MYOCD: variants seen among roughly 807,000 people sequenced by gnomAD.
MYOCD encodes myocardin.
In MYOCD, 32 loss-of-function variants were observed where a neutral mutation model predicts 96.1. The ratio of observed to expected loss-of-function variants is 0.33; its 90% CI spans 0.25 to 0.45. The LOEUF (loss-of-function observed/expected upper bound fraction) is 0.45, where lower values mean the gene tolerates loss of function less well. Ranked by LOEUF, MYOCD falls within the 20% of genes least tolerant of loss-of-function variation. The pLI, the probability that MYOCD is intolerant of heterozygous loss-of-function variation, is 1.00. For synonymous variants in MYOCD, 469 were observed against 469.0 expected, an observed-to-expected ratio of 1.00 and a Z score of 0.00; for missense variants, 1,133 against 1,200.6, an observed-to-expected ratio of 0.94 and a Z score of 0.83.
chr17:12,768,498 C>G lies in MYOCD; in HGVS notation c.*4854C>G, dbSNP rs77015580. ...GCTTATTTTAACCATCTGCTCCCAT[C>G]GTGAACCCTGGAGCATGCATTTCCT... On this transcript the variant is annotated 3_prime_UTR_variant, in exon 14 of 14. Transcript: ENST00000425538. The G allele has an allele frequency of 6.6e-6, 1 of 152,128 alleles. No homozygotes were observed. Among genetic ancestry groups the G allele is most frequent in the African/African-American group, 2.4e-5 (1 of 41,412 alleles). 9.4% of individuals were successfully genotyped at this position (152,128 alleles called of 1,614,324 possible). A position where few individuals can be genotyped will look rare whatever the true frequency, so the allele number is the denominator to read the frequency against.
At chr17:12,696,320 C>T (rs1343102026) in intron 1 of MYOCD, among the ~76,000 whole-genome samples, 1 of 152,096 alleles carries the variant, frequency 6.6e-6, no homozygotes. Context: ...CTTTGTCCAT[C>T]GATGGACACT....
chr17:12,688,554 C>CCTTCCTTCCATCTT (rs757971573), intron 1 of MYOCD, among the ~76,000 whole-genome samples: 1,632 of 102,098 alleles, frequency 0.016, 15 homozygotes, highest in Middle Eastern at 0.031. Flanking sequence ...CCATCTTCTT[C>CCTTCCTTCCATCTT]CTTCCTTCCT....
At chr17:12,749,639 G>GTA (rs2032775837) in intron 9 of MYOCD, among the ~76,000 whole-genome samples, 1 of 143,766 alleles carries the variant, frequency 7.0e-6, no homozygotes, top group Admixed American at 7.1e-5. Context: ...ATATACGTGT[G>GTA]TATATATACA....
chr17:12,693,249 T>C (rs1228364224), intron 1 of MYOCD, among the ~76,000 whole-genome samples: 1 of 152,100 alleles, frequency 6.6e-6, no homozygotes, highest in Non-Finnish European at 1.5e-5. Context: ...GAAGTTCATT[T>C]TGGAGAAAAA....
chr17:12,675,133 T>C (rs1338690538), intron 1 of MYOCD, among the ~76,000 whole-genome samples: 1 of 152,196 alleles, frequency 6.6e-6, no homozygotes, highest in Non-Finnish European at 1.5e-5. Context: ...AGTCAGCATA[T>C]GAAATATACT....
chr17:12,702,868 A>G (rs2031136291), intron 1 of MYOCD, among the ~76,000 whole-genome samples: 1 of 151,962 alleles, frequency 6.6e-6, no homozygotes, highest in Non-Finnish European at 1.5e-5. Context: ...GAGCATCGCA[A>G]GACAATGTTA....
At chr17:12,745,184 A>AT (rs1005629157) in intron 8 of MYOCD, among the ~76,000 whole-genome samples, 4 of 151,724 alleles carry the variant, frequency 2.6e-5, no homozygotes, top group Admixed American at 6.6e-5. Flanking sequence ...GTCACCTTTT[A>AT]TTTTTTTTAA....
rs1478090777 is a variant in MYOCD at position 12,705,184 on chromosome 17, A to G, written c.112A>G (p.Ile38Val). The change falls in exon 2 of 14, where the codon ATA becomes GTA. Residue 38 changes from isoleucine (I) to valine (V), a missense_variant. By Grantham distance (29) the Ile-to-Val change is conservative. Coordinates refer to ENST00000425538, the MANE Select transcript of MYOCD (RefSeq NM_001146312.3). Reference protein sequence around the residue: ...RTQEQLANQGIIPPLKRPAEF... With the variant: ...RTQEQLANQGVIPPLKRPAEF... ...CCAGGAACAACTGGCTAACCAAGGC[A>G]TAATACCACGTGAGTACCTGCATCT... is the stretch of plus-strand genomic sequence containing the variant. 7 of 1,612,040 alleles carry G rather than the reference A, an allele frequency of 4.3e-6. No individual in the cohort carries two copies. The highest frequency in any genetic ancestry group is 2.2e-5 in the East Asian group (1 of 44,886).
In MYOCD at chr17:12,767,245, A is replaced by G. The variant is rs1042172475; in HGVS notation, c.*3601A>G. The G allele has an allele frequency of 2.0e-5, 3 of 152,198 alleles. No individual in the cohort carries two copies. The highest frequency in any genetic ancestry group is 6.5e-5 in the Admixed American group (1 of 15,280). 9.4% of individuals were successfully genotyped at this position (152,198 alleles called of 1,614,324 possible). A position where few individuals can be genotyped will look rare whatever the true frequency, so the allele number is the denominator to read the frequency against. On this transcript the variant is annotated 3_prime_UTR_variant, in exon 14 of 14. Coordinates refer to ENST00000425538, the MANE Select transcript of MYOCD (RefSeq NM_001146312.3). ...AAGACAATCTTCACCTGAATAATAG[A>G]GGGTCTGAGAACTGTCAGCCTTTTG...
At chr17:12,740,638 C>T (rs190200754) in intron 7 of MYOCD, among the ~76,000 whole-genome samples, 1 of 152,188 alleles carries the variant, frequency 6.6e-6, no homozygotes. Context: ...ACACCAGCAT[C>T]GCATCTCACA....
Position 12,666,018 on chromosome 17 carries a change from G to A in MYOCD, c.-171G>A, listed in dbSNP as rs1407170497. The A allele has an allele frequency of 9.2e-6, 5 of 546,280 alleles. No individual in the cohort carries two copies. The South Asian group carries it at 1.2e-4, about 14-fold the overall frequency. 33.8% of individuals were successfully genotyped at this position (546,280 alleles called of 1,614,324 possible). ...AGCCCCGCACGGCGAGGGGGGAGGC[G>A]CCAGTTTTCTGGGGACACTGGCTGC... On this transcript the variant is annotated 5_prime_UTR_variant, in exon 1 of 14. Coordinates refer to ENST00000425538, the MANE Select transcript of MYOCD (RefSeq NM_001146312.3).
Position 12,763,404 on chromosome 17 carries a change from C to G in MYOCD, c.2721C>G (p.Gly907=), listed in dbSNP as rs9913758. The change falls in exon 14 of 14, where the codon GGC becomes GGG. Residue 907 remains glycine, a synonymous_variant. Coordinates refer to ENST00000425538, the MANE Select transcript of MYOCD (RefSeq NM_001146312.3). ...TCAATGCACATGAGATCTTGCCAGGCCCCCTCTCTCCAATGCAGACACAGT... is the reference window on the plus strand; with the variant it reads ...TCAATGCACATGAGATCTTGCCAGGGCCCCTCTCTCCAATGCAGACACAGT... ...DLFNAHEILP[G]PLSPMQTQFS... The G allele has an allele frequency of 4.6e-3, 7,457 of 1,605,508 alleles. 294 individuals carry two copies. The African/African-American group carries it at 0.087, about 19-fold the overall frequency.
At chr17:12,755,262 A>G (rs1178661278) in intron 10 of MYOCD, among the ~76,000 whole-genome samples, 1 of 152,218 alleles carries the variant, frequency 6.6e-6, no homozygotes, top group Non-Finnish European at 1.5e-5. Context: ...AACGTTGCAC[A>G]GTGATTTATG....
intron 2 of MYOCD, chr17:12,710,448 A>G (rs556284325): frequency 9.9e-6 from 9 of 905,616 alleles, no homozygotes; most frequent in Non-Finnish European, 1.2e-5. Context: ...GAATTTAAAG[A>G]TACAATGAGC....
At chr17:12,716,142 A>G (rs1355551507) in intron 3 of MYOCD, among the ~76,000 whole-genome samples, 2 of 152,236 alleles carry the variant, frequency 1.3e-5, no homozygotes, top group Admixed American at 1.3e-4. Context: ...TTTAGCAAGT[A>G]TCAACACTTT....
At chr17:12,737,487 C>T (rs770505422) in intron 6 of MYOCD, among the ~76,000 whole-genome samples, 18 of 152,174 alleles carry the variant, frequency 1.2e-4, no homozygotes, top group Non-Finnish European at 1.3e-4. Flanking sequence ...GTGTCAGCCA[C>T]GCCGGGGAAA....
intron 6 of MYOCD, among the ~76,000 whole-genome samples, chr17:12,737,262 G>A (rs9914791): frequency 0.056 from 8,487 of 151,548 alleles, 639 homozygotes; most frequent in African/African-American, 0.17. Context: ...TCTCAAAGGG[G>A]GAAAAAAAAA....
At chr17:12,700,216 A>G (rs2030997731) in intron 1 of MYOCD, among the ~76,000 whole-genome samples, 1 of 151,130 alleles carries the variant, frequency 6.6e-6, no homozygotes, top group African/African-American at 2.4e-5. Context: ...GTCAATAAGC[A>G]TATATTTCTA....
rs4792278 is a variant in MYOCD at position 12,753,498 on chromosome 17, C to T, written c.2058+152C>T. The stretch of plus-strand genomic sequence containing the variant: ...TCCCAGACACTACAATCCTTGAATC[C>T]TCATGGTAGACCAAACTCACTCATC... On this transcript the variant is annotated intron_variant, in intron 10 of 13. Coordinates refer to ENST00000425538, the MANE Select transcript of MYOCD (RefSeq NM_001146312.3). 0.54 allele frequency: 370,044 copies of T among 687,822 alleles called. 101,125 individuals are homozygous for T. The highest frequency in any genetic ancestry group is 0.64 in the Middle Eastern group (1,567 of 2,436). 42.6% of individuals were successfully genotyped at this position (687,822 alleles called of 1,614,324 possible).
Sources: allele counts gnomAD v4.1 joint callset (sites outside exome capture counted in the v4.1 genomes callset), GRCh38; gene constraint gnomAD v4.1.1; transcripts MANE v1.5; gene names NCBI Gene and HGNC (gene_info 2026-07-23, HGNC 2026-07-21).